The following YAP1 variants were observed in gnomAD, a reference collection of about 807,000 sequenced individuals.
The protein encoded by YAP1 is Yes1 associated transcriptional regulator, also known as transcriptional coactivator YAP1.
In YAP1, 5 loss-of-function variants were observed where a neutral mutation model predicts 56.9. The observed-to-expected ratio is 0.09, with a 90% CI of 0.05 to 0.18. YAP1 has a LOEUF of 0.18. Among genes scored for constraint, YAP1 ranks in the 10% least tolerant of loss-of-function variants. The pLI is 1.00. For synonymous variants in YAP1, 265 were observed against 248.1 expected (o/e 1.07, Z -0.64); for missense variants, 539 against 651.8 (o/e 0.83, Z 1.88).
Position 102,110,938 on chromosome 11 carries a change from G to A in YAP1, c.90G>A (p.Pro30=). Residue 30 remains proline (P), a synonymous_variant, in exon 1 of 9, where the codon CCG becomes CCA. Coordinates refer to ENST00000282441, the MANE Select transcript of YAP1 (RefSeq NM_001130145.3). The part of the protein sequence containing the change: ...PSQPPQGQGP[P]SGPGQPAPAA... The stretch of plus-strand genomic sequence containing the variant: ...AGCCCCCGCAGGGGCAGGGCCCGCC[G>A]TCCGGACCCGGGCAACCGGCACCCG... 1.3e-6 allele frequency: 2 copies of A among 1,489,190 alleles called. No individual in the cohort carries two copies. Among genetic ancestry groups the A allele is most frequent in the Non-Finnish European group, 1.8e-6 (2 of 1,121,904 alleles). The allele number at this position is 1,489,190 out of a possible 1,614,324, so 92.2% of individuals were successfully genotyped here.
At chr11:102,194,863 TTAATC>T (rs528781533) in intron 4 of YAP1, among the ~76,000 whole-genome samples, 90 of 152,360 alleles carry the variant, frequency 5.9e-4, no homozygotes, top group African/African-American at 2.0e-3. Flanking sequence ...TGTTTATTCA[TTAATC>T]TAACATGAAT....
rs113881867 is a variant in YAP1, at chr11:102,189,175, A to G, written c.802+3044A>G. ...ATTAAATTATTTCATATAAACACAT[A>G]GGAGGTGATTTTTTTTCCCTGGAGA... On this transcript the variant is annotated intron_variant, in intron 4 of 8. Transcript: ENST00000282441. Among the ~76,000 whole-genome samples, 1,339 of 152,148 alleles carry G rather than the reference A, an allele frequency of 8.8e-3. 29 individuals carry two copies. The highest frequency in any genetic ancestry group is 0.031 in the African/African-American group (1,271 of 41,466).
intron 3 of YAP1, among the ~76,000 whole-genome samples, chr11:102,172,902 C>A (rs761310382): frequency 6.6e-6 from 1 of 152,092 alleles, no homozygotes; most frequent in Non-Finnish European, 1.5e-5. Context: ...AACACAACAG[C>A]CCGTTCAGAG....
At chr11:102,114,481 C>A (rs1943154577) in intron 2 of YAP1, 87 bp downstream of exon 2, 7 of 1,431,482 alleles carry the variant, frequency 4.9e-6, no homozygotes, top group Middle Eastern at 1.9e-4. Context: ...TACAGAATAT[C>A]ATTTATTTTT....
At position 102,111,177 on chromosome 11, in the gene YAP1, C is replaced by T. The variant is rs546561034; in HGVS notation, c.321+8C>T. On this transcript the variant is annotated splice_region_variant and intron_variant, in intron 1 of 8. Coordinates refer to ENST00000282441, the MANE Select transcript of YAP1 (RefSeq NM_001130145.3). ...AAATCCCACTCCCGACAGGTAACCT[C>T]GTTGCCCCTCTCCCCGTTTCCCCGT... 1.1e-5 allele frequency: 18 copies of T among 1,612,140 alleles called. No homozygotes were observed. Among genetic ancestry groups the T allele is most frequent in the Admixed American group, 8.3e-5 (5 of 59,980 alleles).
intron 6 of YAP1, among the ~76,000 whole-genome samples, chr11:102,211,795 C>A (rs1263735307): frequency 6.6e-6 from 1 of 152,032 alleles, no homozygotes. Flanking sequence ...CCTCCACCTC[C>A]CAGGTTCAAG....
intron 3 of YAP1, among the ~76,000 whole-genome samples, chr11:102,173,916 A>G (rs1942683): frequency 0.35 from 53,059 of 152,146 alleles, 9,893 homozygotes; most frequent in East Asian, 0.61. Context: ...AGGTTGAATC[A>G]TACAAGCGGT....
intron 7 of YAP1, 36 bp downstream of exon 7, chr11:102,223,788 G>C: frequency 6.2e-7 from 1 of 1,611,876 alleles, no homozygotes. Context: ...TATCTGAAAA[G>C]GATCATTGCT....
chr11:102,187,057 A>G (rs1004553211), intron 4 of YAP1, among the ~76,000 whole-genome samples: 3 of 152,264 alleles, frequency 2.0e-5, no homozygotes, highest in Admixed American at 6.5e-5. Context: ...CCTAACAACA[A>G]CTGCGGGGCC....
chr11:102,187,718 A>G (rs538512322), intron 4 of YAP1, among the ~76,000 whole-genome samples: 1 of 152,304 alleles, frequency 6.6e-6, no homozygotes, highest in African/African-American at 2.4e-5. Flanking sequence ...GTGAAATAAA[A>G]CAACTTTTCT....
At position 102,209,535 on chromosome 11, in the gene YAP1, C is replaced by G. The variant is rs375480284; in HGVS notation, c.1003C>G (p.Pro335Ala). ...LLRQAMRNIN[P>A]STANSPKCQE... ...CTCTTAGGCAATGCGGAATATCAAT[C>G]CCAGCACAGCAAATTCTCCAAAATG... The change falls in exon 6 of 9, where the codon CCC becomes GCC. Residue 335 changes from proline to alanine, a missense_variant. Coordinates refer to ENST00000282441, the MANE Select transcript of YAP1 (RefSeq NM_001130145.3). 6.2e-7 allele frequency: 1 copy of G among 1,601,292 alleles called. No homozygotes were observed. The highest frequency in any genetic ancestry group is 8.5e-7 in the Non-Finnish European group (1 of 1,176,270).
At position 102,111,263 on chromosome 11, in the gene YAP1, A is replaced by AG. The variant is rs1195219378; in HGVS notation, c.321+100dup. The AG allele has an allele frequency of 9.2e-5, 135 of 1,464,974 alleles. 2 individuals are homozygous for AG. The East Asian group carries it at 3.3e-3, about 36-fold the overall frequency. The allele number at this position is 1,464,974 out of a possible 1,614,324, so 90.7% of individuals were successfully genotyped here. On this transcript the variant is annotated intron_variant, in intron 1 of 8. Transcript: ENST00000282441. ...CGCGGCCGCCAGCTCTGGTCAGGGG[A>AG]GGGGGGTTGCGGGAACTCTAGCTGG...
chr11:102,112,110 A>G (rs553893465), intron 1 of YAP1, among the ~76,000 whole-genome samples: 1 of 152,222 alleles, frequency 6.6e-6, no homozygotes, highest in African/African-American at 2.4e-5. Flanking sequence ...TGCGCTTTAC[A>G]GTACCGAGGT....
At chr11:102,207,119 G>A (rs947431468) in intron 5 of YAP1, among the ~76,000 whole-genome samples, 3 of 152,040 alleles carry the variant, frequency 2.0e-5, no homozygotes, top group East Asian at 3.9e-4. Flanking sequence ...GTTAAGTAGC[G>A]TAGATATTTT....
chr11:102,163,681 T>C lies in YAP1; in HGVS notation c.688+1110T>C, dbSNP rs558616152. ...ATATTTAGTAGCTACACAGTAGATT[T>C]CTTAAACAGCAGTCTTTGGCAAGGG... On this transcript the variant is annotated intron_variant, in intron 3 of 8. Transcript: ENST00000282441. Among the ~76,000 whole-genome samples the C allele has an allele frequency of 7.5e-4, 115 of 152,340 alleles. 1 individual carries two copies. Among genetic ancestry groups the C allele is most frequent in the African/African-American group, 2.7e-3 (112 of 41,578 alleles).
intron 4 of YAP1, among the ~76,000 whole-genome samples, chr11:102,204,127 G>T (rs556140033): frequency 1.2e-4 from 18 of 151,152 alleles, no homozygotes; most frequent in African/African-American, 3.9e-4. Context: ...AGCCAGGTAT[G>T]ATGCTCGCCT....
At chr11:102,229,137 C>T (rs1007840636) in intron 8 of YAP1, among the ~76,000 whole-genome samples, 2 of 152,128 alleles carry the variant, frequency 1.3e-5, no homozygotes, top group African/African-American at 2.4e-5. Flanking sequence ...GGCTCTGTGG[C>T]CAAGTAAGTT....
intron 2 of YAP1, among the ~76,000 whole-genome samples, chr11:102,144,062 A>G (rs1022284512): frequency 1.3e-5 from 2 of 152,220 alleles, no homozygotes; most frequent in Non-Finnish European, 2.9e-5. Flanking sequence ...CAGCCTGAGA[A>G]GAGACAGGAT....
At position 102,232,443 on chromosome 11, in the gene YAP1, C is replaced by T. The variant is rs1173262233; in HGVS notation, c.*2503C>T. 2 of 152,230 alleles carry T rather than the reference C, an allele frequency of 1.3e-5. No individual in the cohort carries two copies. Among genetic ancestry groups the T allele is most frequent in the Non-Finnish European group, 1.5e-5 (1 of 68,078 alleles). 9.4% of individuals were successfully genotyped at this position (152,230 alleles called of 1,614,324 possible). ...AAAACAATATGAATATGGAGATCTT[C>T]CTTTACCCCTCAACTTTAATTTGCC... On this transcript the variant is annotated 3_prime_UTR_variant, in exon 9 of 9. Coordinates refer to ENST00000282441, the MANE Select transcript of YAP1 (RefSeq NM_001130145.3).
Sources: gnomAD v4.1 joint callset for allele counts (sites outside exome capture counted in the v4.1 genomes callset) on GRCh38, gnomAD v4.1.1 for gene constraint, MANE v1.5 for transcripts, NCBI Gene and HGNC (gene_info 2026-07-23, HGNC 2026-07-21) for gene names.